Variants in TRIM49C observed in about 807,000 individuals in gnomAD.
TRIM49C encodes the protein tripartite motif containing 49C.
A neutral mutation model predicts 21.4 loss-of-function variants in TRIM49C; 6 were observed. That is an observed-to-expected ratio of 0.28 (90% CI 0.15 to 0.55). The LOEUF is 0.55. Among genes scored for constraint, TRIM49C ranks in the 20% least tolerant of loss-of-function variants. The pLI is 0.94. For synonymous variants in TRIM49C, 57 were observed against 148.1 expected (o/e 0.38, Z 4.47); for missense variants, 161 against 442.4 (o/e 0.36, Z 5.71).
chr11:90,073,183 G>A, the TRIM49C span: 11 of 887,272 alleles, frequency 1.2e-5, 4 homozygotes, highest in East Asian at 2.7e-4. Context: ...TATGTGTGAA[G>A]GTGGATAATC....
rs1201288873 is a variant in TRIM49C at position 90,039,610 on chromosome 11, G to T, written c.762-255G>T. Among the ~76,000 whole-genome samples the T allele has an allele frequency of 7.0e-5, 9 of 129,038 alleles. 2 individuals are homozygous for T. Among genetic ancestry groups the T allele is most frequent in the Non-Finnish European group, 4.9e-5 (3 of 60,774 alleles). The allele number at this position is 129,038 out of a possible 152,430, so 84.7% of individuals were successfully genotyped here. A position where few individuals can be genotyped will look rare whatever the true frequency, so the allele number is the denominator to read the frequency against. On this transcript the variant is annotated intron_variant, in intron 6 of 7. Coordinates refer to ENST00000448984, the MANE Select transcript of TRIM49C (RefSeq NM_001195234.1). ...AATTTCGTTTCTAAATATTCTCAAGGCCATAAAGCTAAGGAACCTTACACA... is the reference window on the plus strand; with the variant it reads ...AATTTCGTTTCTAAATATTCTCAAGTCCATAAAGCTAAGGAACCTTACACA...
chr11:90,060,066 T>C, the TRIM49C span, among the ~76,000 whole-genome samples: 1 of 142,762 alleles, frequency 7.0e-6, no homozygotes, highest in African/African-American at 2.7e-5. Context: ...TATATTTTAA[T>C]TCATACAAAT....
the TRIM49C span, among the ~76,000 whole-genome samples, chr11:90,066,260 T>A: frequency 1.9e-4 from 26 of 137,262 alleles, 3 homozygotes; most frequent in Non-Finnish European, 3.3e-4. Context: ...CTTCAGGTGA[T>A]CTGCCCACCT....
chr11:90,066,762 A>C, the TRIM49C span, among the ~76,000 whole-genome samples: 17 of 132,316 alleles, frequency 1.3e-4, 1 homozygote, highest in African/African-American at 4.3e-4. Flanking sequence ...ACACAATAAT[A>C]ATAATTATTA....
chr11:90,067,834 T>A, the TRIM49C span, among the ~76,000 whole-genome samples: 26 of 138,754 alleles, frequency 1.9e-4, 6 homozygotes, highest in Middle Eastern at 7.3e-3. Context: ...ATATAATTAG[T>A]GGAAGTGGAT....
the TRIM49C span, among the ~76,000 whole-genome samples, chr11:90,056,488 A>G: frequency 3.2e-5 from 3 of 94,898 alleles, no homozygotes; most frequent in South Asian, 8.3e-4. Context: ...TATAAAAATT[A>G]TGCTACAATT....
intron 2 of TRIM49C, among the ~76,000 whole-genome samples, chr11:90,033,321 ATAT>A (rs201934765): frequency 0.015 from 1,913 of 130,870 alleles, 82 homozygotes; most frequent in African/African-American, 0.05. Context: ...TATAGTTTTT[ATAT>A]TAGTCAGGGT....
chr11:90,032,707 A>C (rs1451700358), intron 2 of TRIM49C, 125 bp downstream of exon 2: 1 of 124,416 alleles, frequency 8.0e-6, no homozygotes, highest in Non-Finnish European at 1.6e-5. Flanking sequence ...TGTTCTTACT[A>C]TAGATTTTAT....
the TRIM49C span, chr11:90,049,994 G>A: frequency 8.1e-6 from 1 of 122,926 alleles, no homozygotes; most frequent in Non-Finnish European, 1.7e-5. Context: ...ACATCAACCT[G>A]AGCAGAAGCT....
chr11:90,038,689 T>G lies in TRIM49C; in HGVS notation c.739-4T>G, dbSNP rs754797103. 9.3e-7 allele frequency: 1 copy of G among 1,073,408 alleles called. No individual in the cohort carries two copies. Among genetic ancestry groups the G allele is most frequent in the South Asian group, 1.8e-5 (1 of 55,384 alleles). The allele number at this position is 1,073,408 out of a possible 1,614,324, so 66.5% of individuals were successfully genotyped here. A position where few individuals can be genotyped will look rare whatever the true frequency, so the allele number is the denominator to read the frequency against. On this transcript the variant is annotated splice_polypyrimidine_tract_variant and splice_region_variant and intron_variant, in intron 5 of 7. Transcript: ENST00000448984. ...TAAATCTTTCTTCTTTTTTTTTTTT[T>G]CAGGCTTTTGGAGACATATTACACA...
Position 90,038,675 on chromosome 11 carries a change from T to A in TRIM49C, c.739-18T>A, listed in dbSNP as rs979072129. ...CTTGTGAAATGCACTAAATCTTTCT[T>A]CTTTTTTTTTTTTTCAGGCTTTTGG... On this transcript the variant is annotated intron_variant, in intron 5 of 7. Coordinates refer to ENST00000448984, the MANE Select transcript of TRIM49C (RefSeq NM_001195234.1). 2.0e-5 allele frequency: 20 copies of A among 1,004,862 alleles called. 1 individual carries two copies. The highest frequency in any genetic ancestry group is 2.6e-5 in the Non-Finnish European group (19 of 741,174). The allele number at this position is 1,004,862 out of a possible 1,614,324, so 62.2% of individuals were successfully genotyped here.
chr11:90,053,202 C>G, the TRIM49C span: 2 of 141,092 alleles, frequency 1.4e-5, no homozygotes, highest in African/African-American at 5.1e-5. Flanking sequence ...TGAACCAGCC[C>G]AGTTGATGCT....
chr11:90,066,341 G>T, the TRIM49C span, among the ~76,000 whole-genome samples: 2 of 139,190 alleles, frequency 1.4e-5, 1 homozygote, highest in East Asian at 4.4e-4. Context: ...TTAAAATTTT[G>T]TTTCTCACTC....
the TRIM49C span, among the ~76,000 whole-genome samples, chr11:90,065,822 G>T: frequency 7.3e-6 from 1 of 136,766 alleles, no homozygotes; most frequent in Non-Finnish European, 1.6e-5. Context: ...CGAGTTCGGC[G>T]GCAGGCACTT....
the TRIM49C span, among the ~76,000 whole-genome samples, chr11:90,070,572 A>G: frequency 0.044 from 6,062 of 138,566 alleles, 889 homozygotes; most frequent in African/African-American, 0.15. Context: ...TGTGTCTAAC[A>G]TGGCATGACA....
intron 2 of TRIM49C, among the ~76,000 whole-genome samples, chr11:90,033,713 G>A (rs1590914069): frequency 7.4e-6 from 1 of 134,456 alleles, no homozygotes; most frequent in Non-Finnish European, 1.6e-5. Context: ...CAAAGCCAAG[G>A]CAGGCAGATC....
At chr11:90,031,273 A>G (rs1338556158) in intron 1 of TRIM49C, 29 bp downstream of exon 1, 1 of 135,828 alleles carries the variant, frequency 7.4e-6, no homozygotes, top group Non-Finnish European at 1.6e-5. Flanking sequence ...CTTAATTCAT[A>G]TGTGAATCTC....
intron 3 of TRIM49C, 111 bp downstream of exon 3, chr11:90,035,733 G>C: frequency 7.8e-7 from 1 of 1,278,702 alleles, no homozygotes; most frequent in Non-Finnish European, 1.0e-6. Context: ...AAGCAGCTCT[G>C]TTTGGGCTTT....
the TRIM49C span, chr11:90,052,597 C>T: frequency 7.0e-6 from 1 of 143,746 alleles, no homozygotes; most frequent in South Asian, 2.0e-4. Context: ...CCAACCGCTC[C>T]CGGCAGGGGC....
Sources: gnomAD v4.1 joint callset for allele counts (sites outside exome capture counted in the v4.1 genomes callset) on GRCh38, gnomAD v4.1.1 for gene constraint, MANE v1.5 for transcripts, NCBI Gene and HGNC (gene_info 2026-07-23, HGNC 2026-07-21) for gene names.